PRKG1: variants seen among roughly 807,000 people sequenced by gnomAD.
PRKG1 encodes the protein protein kinase cGMP-dependent 1.
Under a neutral mutation model 88.1 loss-of-function variants are expected in PRKG1, and 35 were observed. The ratio of observed to expected loss-of-function variants is 0.40; its 90% CI spans 0.30 to 0.53. The LOEUF (loss-of-function observed/expected upper bound fraction) is 0.53. PRKG1 is among the 20% of genes least tolerant of loss of function. PRKG1 has a pLI of 0.59. For synonymous variants in PRKG1, 303 were observed against 292.5 expected, an observed-to-expected ratio of 1.04 and a Z score of -0.37; for missense variants, 540 against 839.8, an observed-to-expected ratio of 0.64 and a Z score of 4.41.
chr10:51,301,185 G>A (rs1413706434), intron 2 of PRKG1, among the ~76,000 whole-genome samples: 2 of 152,148 alleles, frequency 1.3e-5, no homozygotes, highest in Admixed American at 6.5e-5. Context: ...CCTTCACTAA[G>A]TCAAAGAAAT....
In PRKG1 at chr10:51,854,697, G is replaced by C. The variant is rs1840636096; in HGVS notation, c.698+50007G>C. On this transcript the variant is annotated intron_variant, in intron 4 of 17. Transcript: ENST00000373980. ...TTAGTTTATATAGGCTTAGAGAAAA[G>C]TCTAGGAGGATGTACACCAAACTAA... Among the ~76,000 whole-genome samples the C allele has an allele frequency of 2.0e-5, 3 of 152,156 alleles. No homozygotes were observed. The South Asian group carries it at 6.2e-4, about 32-fold the overall frequency.
intron 3 of PRKG1, among the ~76,000 whole-genome samples, chr10:51,557,220 A>T (rs1837335573): frequency 6.6e-6 from 1 of 151,994 alleles, no homozygotes; most frequent in African/African-American, 2.4e-5. Flanking sequence ...AATATTGCAG[A>T]TTAAGAAATG....
chr10:51,810,024 A>T (rs7910526), intron 4 of PRKG1, among the ~76,000 whole-genome samples: 32,627 of 151,902 alleles, frequency 0.21, 5,625 homozygotes, highest in African/African-American at 0.48. Context: ...TGGATGCATT[A>T]CCAGAGTGAT....
At position 51,794,044 on chromosome 10, in the gene PRKG1, A is replaced by G. The variant is rs534326427; in HGVS notation, c.593-10541A>G. Among the ~76,000 whole-genome samples the G allele has an allele frequency of 8.1e-4, 124 of 152,276 alleles. 2 individuals carry two copies. Among genetic ancestry groups the G allele is most frequent in the African/African-American group, 2.9e-3 (119 of 41,556 alleles). ...CTCTCAAAGTGCTAGGATTACAGGC[A>G]TGAGCCACCGTGCCTGGCCAATAAA... On this transcript the variant is annotated intron_variant, in intron 3 of 17. Transcript: ENST00000373980.
chr10:51,241,985 A>G lies in PRKG1; in HGVS notation c.478+88655A>G, dbSNP rs539742330. ...CCTCTATGCTGGAACAATAAAAAAA[A>G]AAAAAAGATGAATAATGTAACAGTC... On this transcript the variant is annotated intron_variant, in intron 2 of 17. Coordinates refer to ENST00000373980, the MANE Select transcript of PRKG1 (RefSeq NM_006258.4). Among the ~76,000 whole-genome samples, 9 of 152,264 alleles carry G rather than the reference A, an allele frequency of 5.9e-5. No homozygotes were observed. The East Asian group carries it at 1.5e-3, about 26-fold the overall frequency.
intron 5 of PRKG1, among the ~76,000 whole-genome samples, chr10:52,052,885 G>A (rs1435919550): frequency 6.6e-6 from 1 of 152,102 alleles, no homozygotes; most frequent in East Asian, 1.9e-4. Context: ...AGCCATGATC[G>A]GGCCACTGCA....
chr10:51,532,162 T>C (rs1475601595), intron 3 of PRKG1, among the ~76,000 whole-genome samples: 1 of 152,186 alleles, frequency 6.6e-6, no homozygotes, highest in Non-Finnish European at 1.5e-5. Flanking sequence ...TGGAGAGCTT[T>C]TTCAACTGGT....
intron 2 of PRKG1, among the ~76,000 whole-genome samples, chr10:51,177,100 A>G (rs1195244973): frequency 6.6e-6 from 1 of 152,164 alleles, no homozygotes; most frequent in Non-Finnish European, 1.5e-5. Flanking sequence ...CTAACATTCT[A>G]AGAATAACTG....
chr10:51,503,625 T>G (rs1208052794), intron 3 of PRKG1, among the ~76,000 whole-genome samples: 4 of 152,186 alleles, frequency 2.6e-5, no homozygotes, highest in African/African-American at 7.2e-5. Flanking sequence ...CATGTAACTG[T>G]TGTGAAAGCA....
intron 10 of PRKG1, among the ~76,000 whole-genome samples, chr10:52,258,754 G>A (rs1005547607): frequency 2.6e-5 from 4 of 152,034 alleles, no homozygotes; most frequent in Admixed American, 2.6e-4. Flanking sequence ...TAACATATTG[G>A]AAAAGTAGCA....
intron 2 of PRKG1, among the ~76,000 whole-genome samples, chr10:51,337,431 AG>A (rs1841902724): frequency 6.6e-6 from 1 of 152,196 alleles, no homozygotes; most frequent in African/African-American, 2.4e-5. Context: ...TAAACTAAAA[AG>A]CTTCTGCACA....
Position 52,005,888 on chromosome 10 carries a change from C to A in PRKG1, c.763-48596C>A, listed in dbSNP as rs115533532. Among the ~76,000 whole-genome samples, 1,284 of 152,038 alleles carry A rather than the reference C, an allele frequency of 8.4e-3. 25 individuals carry two copies. Among genetic ancestry groups the A allele is most frequent in the African/African-American group, 0.03 (1,224 of 41,486 alleles). On this transcript the variant is annotated intron_variant, in intron 5 of 17. Coordinates refer to ENST00000373980, the MANE Select transcript of PRKG1 (RefSeq NM_006258.4). ...GAAGCACACAGATGCAGATCAGGGC[C>A]AACCTGGCAAGGATATGGCTTATCT...
At chr10:51,091,305 C>T (rs781354131) in intron 1 of PRKG1, among the ~76,000 whole-genome samples, 6 of 152,010 alleles carry the variant, frequency 3.9e-5, no homozygotes, top group East Asian at 1.9e-4. Context: ...TAGACTTGTA[C>T]GACCATCACC....
chr10:51,398,204 G>A (rs778552848), intron 2 of PRKG1, among the ~76,000 whole-genome samples: 20 of 152,216 alleles, frequency 1.3e-4, no homozygotes, highest in Non-Finnish European at 2.2e-4. Flanking sequence ...CCATGGGACA[G>A]GGTTGGGTGG....
At chr10:51,043,550 AG>A (rs1467838786) in intron 1 of PRKG1, among the ~76,000 whole-genome samples, 1 of 152,176 alleles carries the variant, frequency 6.6e-6, no homozygotes, top group African/African-American at 2.4e-5. Context: ...GACAATTTCT[AG>A]TAATGGTCTG....
chr10:52,152,368 G>A (rs1023975144), intron 8 of PRKG1, among the ~76,000 whole-genome samples: 6 of 152,074 alleles, frequency 3.9e-5, no homozygotes, highest in African/African-American at 1.4e-4. Flanking sequence ...GAGGAAGACA[G>A]CAGATATTTA....
At chr10:51,642,833 G>A (rs1041913829) in intron 3 of PRKG1, among the ~76,000 whole-genome samples, 3 of 152,126 alleles carry the variant, frequency 2.0e-5, no homozygotes, top group Admixed American at 1.3e-4. Flanking sequence ...CAAACTGAAC[G>A]CTGTCTGGAA....
chr10:51,707,629 A>C (rs12249213), intron 3 of PRKG1, among the ~76,000 whole-genome samples: 10,890 of 151,618 alleles, frequency 0.072, 424 homozygotes, highest in East Asian at 0.085. Context: ...ACAACACCTC[A>C]CTTCAGAGAA....
intron 9 of PRKG1, among the ~76,000 whole-genome samples, chr10:52,225,901 A>C (rs563639809): frequency 6.6e-6 from 1 of 152,100 alleles, no homozygotes; most frequent in African/African-American, 2.4e-5. Context: ...CTTATAATGT[A>C]GTTTGAAATC....
Sources: gnomAD v4.1 joint callset for allele counts (sites outside exome capture counted in the v4.1 genomes callset) on GRCh38, gnomAD v4.1.1 for gene constraint, MANE v1.5 for transcripts, NCBI Gene and HGNC (gene_info 2026-07-23, HGNC 2026-07-21) for gene names.